Variants in OSTF1 observed in about 807,000 individuals in gnomAD.
OSTF1 encodes the protein osteoclast stimulating factor 1.
Under a neutral mutation model 37.2 loss-of-function variants are expected in OSTF1, and 27 were observed. The ratio of observed to expected loss-of-function variants is 0.73; its 90% CI spans 0.54 to 1.00. The LOEUF is 1.00. Among genes scored for constraint, OSTF1 ranks in the 50% least tolerant of loss-of-function variants. The pLI is 0.00. For missense variants in OSTF1, 232 were observed against 253.8 expected (o/e 0.91, Z 0.58); for synonymous variants, 82 against 89.2 (o/e 0.92, Z 0.46).
chr9:75,117,512 A>G lies in OSTF1; in HGVS notation c.43A>G (p.Lys15Glu). The change falls in exon 2 of 10, where the codon AAA becomes GAA. Residue 15 changes from lysine to glutamate, a missense_variant. By Grantham distance (56) the Lys-to-Glu change is moderately conservative. Coordinates refer to ENST00000346234, the MANE Select transcript of OSTF1 (RefSeq NM_012383.5). ...PPKPVKPGQV[K>E]VFRALYTFEP... is the part of the protein sequence containing the mutation. ...TTTTCTTCCTTTTTTAGGGCAAGTT[A>G]AAGTCTTCAGAGCCCTGTATACGTT... 6.2e-7 allele frequency: 1 copy of G among 1,610,678 alleles called. No homozygotes were observed. Among genetic ancestry groups the G allele is most frequent in the Non-Finnish European group, 8.5e-7 (1 of 1,177,730 alleles).
At position 75,100,820 on chromosome 9, in the gene OSTF1, C is replaced by T. The variant is rs188845531; in HGVS notation, c.34+12094C>T. On this transcript the variant is annotated intron_variant, in intron 1 of 9. Coordinates refer to ENST00000346234, the MANE Select transcript of OSTF1 (RefSeq NM_012383.5). ...GCGTGGCTGAAGGTAAGAATTTGAC[C>T]GTGGAAGTATTGTCACAACTCTCCC... Among the ~76,000 whole-genome samples, 359 of 152,136 alleles carry T rather than the reference C, an allele frequency of 2.4e-3. 3 individuals are homozygous for T. The highest frequency in any genetic ancestry group is 2.3e-3 in the Non-Finnish European group (156 of 68,006).
rs149104343 is a variant in OSTF1 at position 75,097,187 on chromosome 9, A to C, written c.34+8461A>C. Among the ~76,000 whole-genome samples the C allele has an allele frequency of 1.8e-4, 27 of 152,270 alleles. No individual in the cohort carries two copies. The East Asian group carries it at 3.9e-3, about 22-fold the overall frequency. ...GACCACATTTTTCTTTGGGGGAATAAATCATTCTCTTTGATCTCTCTGCAT... is the reference window on the plus strand; with the variant it reads ...GACCACATTTTTCTTTGGGGGAATACATCATTCTCTTTGATCTCTCTGCAT... On this transcript the variant is annotated intron_variant, in intron 1 of 9. Transcript: ENST00000346234.
chr9:75,101,084 G>C (rs1183692589), intron 1 of OSTF1, among the ~76,000 whole-genome samples: 1 of 152,090 alleles, frequency 6.6e-6, no homozygotes, highest in Non-Finnish European at 1.5e-5. Context: ...GGAGTCACTT[G>C]GACTCCTTCG....
In OSTF1 at chr9:75,088,741, G is replaced by A. The variant is rs1374587792; in HGVS notation, c.34+15G>A. On this transcript the variant is annotated intron_variant, in intron 1 of 9. Coordinates refer to ENST00000346234, the MANE Select transcript of OSTF1 (RefSeq NM_012383.5). ...AGTCAAACCAGGTGAGGGAGGTAAG[G>A]TAGGCGCTTGCCAGGTCCTGCGACC... 1.9e-6 allele frequency: 3 copies of A among 1,602,856 alleles called. No homozygotes were observed. In the Admixed American group the frequency reaches 5.1e-5, roughly 27 times the overall value.
Position 75,103,874 on chromosome 9 carries a change from A to G in OSTF1, c.35-13630A>G, listed in dbSNP as rs923070720. On this transcript the variant is annotated intron_variant, in intron 1 of 9. Transcript: ENST00000346234. The stretch of plus-strand genomic sequence containing the variant: ...GGTCTCAAACTCTTGGGCTCAAGCA[A>G]TCCTCCCGCCTCAGCCTCCCAAAAT... Among the ~76,000 whole-genome samples, 66 of 152,068 alleles carry G rather than the reference A, an allele frequency of 4.3e-4. No homozygotes were observed. In the East Asian group the frequency reaches 9.9e-3, roughly 23 times the overall value.
At chr9:75,094,781 C>T (rs1441307522) in intron 1 of OSTF1, among the ~76,000 whole-genome samples, 1 of 152,196 alleles carries the variant, frequency 6.6e-6, no homozygotes, top group African/African-American at 2.4e-5. Context: ...CAGTGGTTCA[C>T]ACCTGTAATC....
intron 2 of OSTF1, among the ~76,000 whole-genome samples, chr9:75,120,155 A>T (rs1825556150): frequency 6.6e-6 from 1 of 152,104 alleles, no homozygotes; most frequent in Non-Finnish European, 1.5e-5. Context: ...TGCATTTAAT[A>T]CCCCCATAAG....
chr9:75,119,577 G>A (rs1335727355), intron 2 of OSTF1, among the ~76,000 whole-genome samples: 3 of 152,148 alleles, frequency 2.0e-5, no homozygotes, highest in African/African-American at 7.2e-5. Context: ...GGTTTCTTCT[G>A]AGGCCTTGCT....
chr9:75,111,932 T>C (rs368806101), intron 1 of OSTF1, among the ~76,000 whole-genome samples: 52 of 142,492 alleles, frequency 3.6e-4, no homozygotes, highest in African/African-American at 1.3e-3. Flanking sequence ...TAAGCGATTC[T>C]CCTGCCTCAG....
intron 1 of OSTF1, among the ~76,000 whole-genome samples, chr9:75,113,867 G>A (rs188120680): frequency 4.6e-5 from 7 of 152,254 alleles, no homozygotes; most frequent in East Asian, 3.9e-4. Context: ...TGTAGTCACC[G>A]TGATGTACAA....
intron 1 of OSTF1, among the ~76,000 whole-genome samples, chr9:75,095,641 A>G (rs2181116): frequency 0.28 from 41,861 of 152,104 alleles, 6,199 homozygotes; most frequent in Admixed American, 0.33. Context: ...GTATGTGCAC[A>G]GAGAACTGTG....
chr9:75,116,605 CTTTTTTT>C (rs75110694), intron 1 of OSTF1, among the ~76,000 whole-genome samples: 1 of 122,876 alleles, frequency 8.1e-6, no homozygotes, highest in East Asian at 2.4e-4. Context: ...CCAATGGGTC[CTTTTTTT>C]TTTTTTTTTT....
At chr9:75,089,586 A>C (rs888529904) in intron 1 of OSTF1, among the ~76,000 whole-genome samples, 1 of 152,204 alleles carries the variant, frequency 6.6e-6, no homozygotes, top group East Asian at 1.9e-4. Flanking sequence ...GTAATTAGAA[A>C]GGACTGACGT....
chr9:75,105,172 A>G (rs772626074), intron 1 of OSTF1, among the ~76,000 whole-genome samples: 2 of 152,224 alleles, frequency 1.3e-5, no homozygotes, highest in Non-Finnish European at 2.9e-5. Context: ...GGAGGAAGTC[A>G]TGACCCAGAT....
At chr9:75,102,275 A>G (rs1280600606) in intron 1 of OSTF1, among the ~76,000 whole-genome samples, 1 of 152,218 alleles carries the variant, frequency 6.6e-6, no homozygotes, top group Non-Finnish European at 1.5e-5. Context: ...ACACCCAGCC[A>G]GTGAGGGCAT....
intron 1 of OSTF1, among the ~76,000 whole-genome samples, chr9:75,109,702 G>A (rs1290123536): frequency 1.3e-5 from 2 of 152,108 alleles, no homozygotes; most frequent in South Asian, 2.1e-4. Flanking sequence ...GAAGATGACC[G>A]GAAGGGATTT....
rs1825798428 is a variant in OSTF1, at chr9:75,133,471, A to G, written c.358+70A>G. 7.7e-6 allele frequency: 7 copies of G among 906,126 alleles called. No homozygotes were observed. The South Asian group carries it at 1.0e-4, about 13-fold the overall frequency. The allele number at this position is 906,126 out of a possible 1,614,324, so 56.1% of individuals were successfully genotyped here. A position where few individuals can be genotyped will look rare whatever the true frequency, so the allele number is the denominator to read the frequency against. On this transcript the variant is annotated intron_variant, in intron 6 of 9. Transcript: ENST00000346234. ...TGTTTCACCTACGGGAGCCAGATTTACAAAAAATGAGAAAGGAAAAGCATT... is the reference window on the plus strand; with the variant it reads ...TGTTTCACCTACGGGAGCCAGATTTGCAAAAAATGAGAAAGGAAAAGCATT...
Position 75,099,338 on chromosome 9 carries a change from A to G in OSTF1, c.34+10612A>G, listed in dbSNP as rs556443008. The stretch of plus-strand genomic sequence containing the variant: ...GAGTGCATGGCTCACTGCAGTCTCA[A>G]CCTCCTGGGCTCAAGTGACCCTCCC... On this transcript the variant is annotated intron_variant, in intron 1 of 9. Coordinates refer to ENST00000346234, the MANE Select transcript of OSTF1 (RefSeq NM_012383.5). Among the ~76,000 whole-genome samples, 428 of 151,036 alleles carry G rather than the reference A, an allele frequency of 2.8e-3. 1 individual carries two copies. The highest frequency in any genetic ancestry group is 0.01 in the African/African-American group (419 of 41,092).
At chr9:75,141,312 C>CAAAAAAAAAA (rs529293090) in intron 9 of OSTF1, among the ~76,000 whole-genome samples, 109 of 71,670 alleles carry the variant, frequency 1.5e-3, no homozygotes, top group South Asian at 2.0e-3. Context: ...AAAAGAAAAC[C>CAAAAAAAAAA]AAAAAAAAAA....
Sources: allele counts gnomAD v4.1 joint callset (sites outside exome capture counted in the v4.1 genomes callset), GRCh38; gene constraint gnomAD v4.1.1; transcripts MANE v1.5; gene names NCBI Gene and HGNC (gene_info 2026-07-23, HGNC 2026-07-21).